EYS: variants seen among roughly 807,000 people sequenced by gnomAD.
The protein encoded by EYS is EGF-like photoreceptor maintenance factor.
Under a neutral mutation model 282.1 loss-of-function variants are expected in EYS, and 250 were observed. The ratio of observed to expected loss-of-function variants is 0.89; its 90% confidence interval spans 0.80 to 0.98. The LOEUF (loss-of-function observed/expected upper bound fraction) is 0.98, where lower values mean the gene tolerates loss of function less well. EYS is among the 50% of genes least tolerant of loss of function. The pLI is 0.00. For synonymous variants in EYS, 1,355 were observed against 1,282.9 expected (o/e 1.06, Z -1.20); for missense variants, 4,016 against 3,709.0 (o/e 1.08, Z -2.15).
rs190733048 is a variant in EYS, at chr6:65,585,394, G to A, written c.-333+54384C>T. Among the ~76,000 whole-genome samples, 526 of 151,892 alleles carry A rather than the reference G, an allele frequency of 3.5e-3. 3 individuals carry two copies. The Middle Eastern group carries it at 0.037, about 11-fold the overall frequency. On this transcript the variant is annotated intron_variant, in intron 2 of 42. Coordinates refer to ENST00000503581, the MANE Select transcript of EYS (RefSeq NM_001142800.2). ...TGGGTGACTGACTGAAGGAATTTAA[G>A]ACTTGCTTCAATAATCCTCAATTCA...
At chr6:65,098,819 G>C (rs1379758170) in intron 12 of EYS, among the ~76,000 whole-genome samples, 1 of 150,628 alleles carries the variant, frequency 6.6e-6, no homozygotes, top group African/African-American at 2.4e-5. Context: ...TTCTTTTTAA[G>C]TGGAGGAAGA....
chr6:64,931,124 G>A (rs931281973), intron 15 of EYS, among the ~76,000 whole-genome samples: 6 of 152,094 alleles, frequency 3.9e-5, no homozygotes, highest in African/African-American at 1.4e-4. Flanking sequence ...AGGTAGTTCA[G>A]TAACTTAGGA....
At chr6:63,879,657 C>G (rs1175380301) in intron 35 of EYS, among the ~76,000 whole-genome samples, 1 of 152,144 alleles carries the variant, frequency 6.6e-6, no homozygotes, top group Non-Finnish European at 1.5e-5. Flanking sequence ...TCTGTTCATC[C>G]TGGGGACAGT....
chr6:63,730,595 T>C (rs1286781106), intron 41 of EYS, among the ~76,000 whole-genome samples: 2 of 152,232 alleles, frequency 1.3e-5, no homozygotes, highest in African/African-American at 4.8e-5. Context: ...GATGCTACTT[T>C]TCCTCCTTTT....
At chr6:63,963,432 G>A (rs1766170577) in intron 35 of EYS, among the ~76,000 whole-genome samples, 1 of 152,144 alleles carries the variant, frequency 6.6e-6, no homozygotes, top group South Asian at 2.1e-4. Flanking sequence ...ATTGCACATT[G>A]AGAAATGTGA....
At chr6:64,754,169 A>G (rs1251040666) in intron 22 of EYS, among the ~76,000 whole-genome samples, 1 of 152,116 alleles carries the variant, frequency 6.6e-6, no homozygotes, top group African/African-American at 2.4e-5. Context: ...TTCAAAAATT[A>G]ACAACATATC....
intron 19 of EYS, among the ~76,000 whole-genome samples, chr6:64,877,394 G>T (rs1175984040): frequency 6.6e-6 from 1 of 152,060 alleles, no homozygotes; most frequent in Non-Finnish European, 1.5e-5. Flanking sequence ...GAACATATTT[G>T]GGAATTATTA....
At chr6:64,814,408 C>T (rs1007197664) in intron 21 of EYS, among the ~76,000 whole-genome samples, 4 of 151,996 alleles carry the variant, frequency 2.6e-5, no homozygotes, top group South Asian at 2.1e-4. Flanking sequence ...GTGTCTTAAA[C>T]GTCATATGTG....
intron 13 of EYS, among the ~76,000 whole-genome samples, chr6:65,012,167 C>T (rs1771895343): frequency 6.6e-6 from 1 of 152,000 alleles, no homozygotes; most frequent in South Asian, 2.1e-4. Context: ...TTATATTTTA[C>T]TCAGAAAATG....
intron 22 of EYS, among the ~76,000 whole-genome samples, chr6:64,723,139 G>A (rs1053811087): frequency 2.0e-5 from 3 of 151,722 alleles, no homozygotes; most frequent in Non-Finnish European, 4.4e-5. Context: ...TGGGCAGAGT[G>A]GACACATCGA....
intron 5 of EYS, among the ~76,000 whole-genome samples, chr6:65,475,976 T>G (rs1765389907): frequency 6.6e-6 from 1 of 152,174 alleles, no homozygotes; most frequent in African/African-American, 2.4e-5. Context: ...CTCAATGATA[T>G]TCTTCATTAT....
intron 10 of EYS, among the ~76,000 whole-genome samples, chr6:65,336,176 C>T (rs1401997363): frequency 6.6e-6 from 1 of 151,638 alleles, no homozygotes; most frequent in Non-Finnish European, 1.5e-5. Flanking sequence ...TCAGGTAGTT[C>T]TTCATAGCAG....
intron 35 of EYS, among the ~76,000 whole-genome samples, chr6:63,903,937 A>T (rs1311768981): frequency 1.3e-5 from 2 of 152,172 alleles, no homozygotes; most frequent in Admixed American, 6.5e-5. Flanking sequence ...AATTATACAA[A>T]CATCTTTATT....
chr6:64,937,572 T>A (rs1201126579), intron 15 of EYS, among the ~76,000 whole-genome samples: 1 of 151,488 alleles, frequency 6.6e-6, no homozygotes, highest in Non-Finnish European at 1.5e-5. Context: ...GAGATGAAAA[T>A]CAAATGTGCA....
intron 31 of EYS, among the ~76,000 whole-genome samples, chr6:64,169,023 CAA>C (rs1764390801): frequency 1.3e-5 from 2 of 152,036 alleles, no homozygotes; most frequent in Admixed American, 6.6e-5. Flanking sequence ...AGAAATTTTT[CAA>C]AAAGTTTGCA....
At chr6:64,061,449 C>T (rs3003684) in intron 33 of EYS, among the ~76,000 whole-genome samples, 16,932 of 152,124 alleles carry the variant, frequency 0.11, 1,865 homozygotes, top group African/African-American at 0.28. Context: ...TTACAGTGTA[C>T]CTGTAGAACT....
intron 2 of EYS, among the ~76,000 whole-genome samples, chr6:65,628,084 C>A (rs1766781480): frequency 6.6e-6 from 1 of 152,140 alleles, no homozygotes; most frequent in Admixed American, 6.5e-5. Flanking sequence ...GTGTGTCTAG[C>A]TCAAGGTTTG....
At chr6:65,181,680 C>G (rs1356607894) in intron 12 of EYS, among the ~76,000 whole-genome samples, 13 of 152,106 alleles carry the variant, frequency 8.5e-5, no homozygotes, top group Non-Finnish European at 1.9e-4. Context: ...ACTAGAAATA[C>G]CATTTGACCC....
intron 26 of EYS, among the ~76,000 whole-genome samples, chr6:64,560,681 C>T (rs58035258): frequency 0.03 from 4,627 of 151,712 alleles, 159 homozygotes; most frequent in East Asian, 0.11. Flanking sequence ...TTGTATTTAC[C>T]GATAATAAAA....
Sources: allele counts gnomAD v4.1 joint callset (sites outside exome capture counted in the v4.1 genomes callset), GRCh38; gene constraint gnomAD v4.1.1; transcripts MANE v1.5; gene names NCBI Gene and HGNC (gene_info 2026-07-23, HGNC 2026-07-21).